FHIT: variants seen among roughly 807,000 people sequenced by gnomAD.
FHIT encodes the protein bis(5'-adenosyl)-triphosphatase.
A neutral mutation model predicts 17.9 loss-of-function variants in FHIT; 19 were observed. The observed-to-expected ratio is 1.06, with a 90% CI of 0.74 to 1.56. FHIT has a LOEUF of 1.56. Ranked by LOEUF, FHIT falls within the 40% of genes most tolerant of loss-of-function variation. FHIT has a pLI of 0.00. For missense variants in FHIT, 248 were observed against 189.2 expected (o/e 1.31, Z -1.82); for synonymous variants, 81 against 69.7 (o/e 1.16, Z -0.81).
At position 60,847,114 on chromosome 3, in the gene FHIT, G is replaced by A. The variant is rs187165534; in HGVS notation, c.-110-25103C>T. On this transcript the variant is annotated intron_variant, in intron 3 of 9. Coordinates refer to ENST00000492590, the MANE Select transcript of FHIT (RefSeq NM_002012.4). The stretch of plus-strand genomic sequence containing the variant: ...GCCAGGATTAAAGGCATGAGCCAAT[G>A]AGCCTGGCTGATAACCTTATTTCAT... 5.2e-3 allele frequency among the ~76,000 whole-genome samples: 796 copies of A among 152,318 alleles called. 7 individuals are homozygous for A. The highest frequency in any genetic ancestry group is 7.6e-3 in the Non-Finnish European group (516 of 68,020).
At chr3:60,633,808 T>C (rs896896682) in intron 4 of FHIT, among the ~76,000 whole-genome samples, 1 of 152,152 alleles carries the variant, frequency 6.6e-6, no homozygotes, top group South Asian at 2.1e-4. Flanking sequence ...CTGGTTTCCA[T>C]CTGCGCGATT....
At chr3:60,953,013 C>T (rs782241732) in intron 3 of FHIT, among the ~76,000 whole-genome samples, 1 of 152,102 alleles carries the variant, frequency 6.6e-6, no homozygotes, top group Non-Finnish European at 1.5e-5. Flanking sequence ...AAGTCTTAGG[C>T]CCAGCTGAAA....
chr3:59,865,764 G>A (rs1702617844), intron 8 of FHIT, among the ~76,000 whole-genome samples: 1 of 152,184 alleles, frequency 6.6e-6, no homozygotes, highest in Non-Finnish European at 1.5e-5. Context: ...GGCGATGGTG[G>A]AAATGTACCC....
chr3:61,022,086 GATAGACTGCTAGCCAGACTAATA>G (rs1453660387), intron 3 of FHIT, among the ~76,000 whole-genome samples: 1 of 152,016 alleles, frequency 6.6e-6, no homozygotes, highest in Non-Finnish European at 1.5e-5. Flanking sequence ...TAACAAAATA[GATAGACTGCTAGCCAGACTAATA>G]AAGAAGAAAA....
At chr3:60,185,605 A>G (rs549097152) in intron 5 of FHIT, among the ~76,000 whole-genome samples, 4 of 152,286 alleles carry the variant, frequency 2.6e-5, no homozygotes, top group South Asian at 2.1e-4. Context: ...TTCTAATTTC[A>G]TAAGTTTTCA....
chr3:60,567,678 A>C (rs1369059887), intron 4 of FHIT, among the ~76,000 whole-genome samples: 1 of 152,206 alleles, frequency 6.6e-6, no homozygotes, highest in African/African-American at 2.4e-5. Flanking sequence ...CCACCTACAG[A>C]ATGGGAGAAA....
chr3:60,361,485 G>T (rs1473040522), intron 5 of FHIT, among the ~76,000 whole-genome samples: 2 of 152,164 alleles, frequency 1.3e-5, no homozygotes, highest in African/African-American at 4.8e-5. Flanking sequence ...GTGTGTAAAT[G>T]AGTGACTAGC....
chr3:59,936,439 T>G (rs551128235), intron 7 of FHIT, among the ~76,000 whole-genome samples: 164 of 132,920 alleles, frequency 1.2e-3, no homozygotes, highest in Non-Finnish European at 2.3e-3. Context: ...CTGTTTGCTA[T>G]ACACATAATT....
intron 4 of FHIT, among the ~76,000 whole-genome samples, chr3:60,545,417 T>C (rs1469424880): frequency 6.6e-6 from 1 of 152,210 alleles, no homozygotes; most frequent in African/African-American, 2.4e-5. Context: ...TTTACTATGT[T>C]GCAGTTTTTC....
intron 4 of FHIT, among the ~76,000 whole-genome samples, chr3:60,590,841 C>A (rs2038060918): frequency 6.6e-6 from 1 of 152,042 alleles, no homozygotes; most frequent in Non-Finnish European, 1.5e-5. Flanking sequence ...GGACAGAGCA[C>A]AGGCTATGGC....
rs534247196 is a variant in FHIT, at chr3:60,121,766, C to T, written c.104-107614G>A. On this transcript the variant is annotated intron_variant, in intron 5 of 9. Transcript: ENST00000492590. ...CACACATTAGCCCTGTGCCTAATGTCACAGTGCCATCCCTTGGTCCCACTC... is the reference window on the plus strand; with the variant it reads ...CACACATTAGCCCTGTGCCTAATGTTACAGTGCCATCCCTTGGTCCCACTC... Among the ~76,000 whole-genome samples, 6 of 151,698 alleles carry T rather than the reference C, an allele frequency of 4.0e-5. No homozygotes were observed. The South Asian group carries it at 1.3e-3, about 32-fold the overall frequency.
chr3:60,859,889 C>A (rs1703566015), intron 3 of FHIT, among the ~76,000 whole-genome samples: 2 of 149,922 alleles, frequency 1.3e-5, no homozygotes, highest in South Asian at 4.2e-4. Flanking sequence ...ACTAAAACTA[C>A]AAAAATTAGC....
At chr3:61,166,030 T>TCATA (rs1292210150) in intron 2 of FHIT, among the ~76,000 whole-genome samples, 1 of 152,150 alleles carries the variant, frequency 6.6e-6, no homozygotes, top group African/African-American at 2.4e-5. Context: ...TCCTTTTGCC[T>TCATA]CATACATCAG....
intron 5 of FHIT, among the ~76,000 whole-genome samples, chr3:60,198,885 C>T (rs1474700208): frequency 1.3e-5 from 2 of 152,110 alleles, no homozygotes; most frequent in Non-Finnish European, 2.9e-5. Context: ...TAATAATCTA[C>T]AACAGTATTA....
chr3:60,309,218 G>C (rs779805814), intron 5 of FHIT, among the ~76,000 whole-genome samples: 2 of 152,068 alleles, frequency 1.3e-5, no homozygotes, highest in African/African-American at 2.4e-5. Flanking sequence ...TGGGGGTTGA[G>C]GGAGGTGTTT....
chr3:61,110,520 T>C (rs1310874371), intron 2 of FHIT, among the ~76,000 whole-genome samples: 26 of 152,124 alleles, frequency 1.7e-4, no homozygotes, highest in Non-Finnish European at 1.2e-4. Flanking sequence ...CTTCCTTCCT[T>C]TCCTCCCTCC....
chr3:60,253,625 G>C (rs955673772), intron 5 of FHIT, among the ~76,000 whole-genome samples: 1 of 152,158 alleles, frequency 6.6e-6, no homozygotes, highest in Non-Finnish European at 1.5e-5. Context: ...GATTACCTGA[G>C]GTTCTTCTCT....
At chr3:60,584,026 G>A (rs2037828668) in intron 4 of FHIT, among the ~76,000 whole-genome samples, 1 of 152,062 alleles carries the variant, frequency 6.6e-6, no homozygotes, top group Admixed American at 6.6e-5. Context: ...GCATTCTCCA[G>A]AGCCTCCAAG....
At chr3:60,979,719 AT>A (rs1710410912) in intron 3 of FHIT, among the ~76,000 whole-genome samples, 2 of 152,162 alleles carry the variant, frequency 1.3e-5, no homozygotes, top group East Asian at 3.8e-4. Flanking sequence ...GACAAGAATC[AT>A]TGCTCATTCA....
Sources: allele counts gnomAD v4.1 joint callset (sites outside exome capture counted in the v4.1 genomes callset), GRCh38; gene constraint gnomAD v4.1.1; transcripts MANE v1.5; gene names NCBI Gene and HGNC (gene_info 2026-07-23, HGNC 2026-07-21).